PAPSS2: variants seen among roughly 807,000 people sequenced by gnomAD.
The protein encoded by PAPSS2 is bifunctional 3'-phosphoadenosine 5'-phosphosulfate synthase 2.
A neutral mutation model predicts 66.5 loss-of-function variants in PAPSS2; 61 were observed. The observed-to-expected ratio is 0.92, with a 90% CI of 0.75 to 1.14. The LOEUF (loss-of-function observed/expected upper bound fraction) is 1.14, where lower values mean the gene tolerates loss of function less well. PAPSS2 is among the 50% of genes most tolerant of loss of function. The pLI, the probability that PAPSS2 is intolerant of heterozygous loss-of-function variation, is 0.00. For missense variants in PAPSS2, 708 were observed against 789.6 expected (o/e 0.90, Z 1.24); for synonymous variants, 289 against 287.5 (o/e 1.01, Z -0.05).
chr10:87,675,262 T>C (rs887144219), intron 1 of PAPSS2, among the ~76,000 whole-genome samples: 8 of 152,256 alleles, frequency 5.3e-5, no homozygotes, highest in African/African-American at 1.9e-4. Flanking sequence ...AATCATTCTC[T>C]TGGTTTATAC....
At chr10:87,741,468 C>T in intron 10 of PAPSS2, 98 bp downstream of exon 10, 1 of 1,012,492 alleles carries the variant, frequency 9.9e-7, no homozygotes, top group Non-Finnish European at 1.5e-6. Context: ...GATCTCAGCT[C>T]ACTGCAACCT....
chr10:87,687,264 A>C (rs753196590), intron 1 of PAPSS2, among the ~76,000 whole-genome samples: 21 of 152,204 alleles, frequency 1.4e-4, no homozygotes, highest in Non-Finnish European at 2.9e-4. Flanking sequence ...TGAAAAAATT[A>C]ATCAAAATGA....
chr10:87,689,921 G>T (rs1480383338), intron 1 of PAPSS2, among the ~76,000 whole-genome samples: 5 of 152,144 alleles, frequency 3.3e-5, no homozygotes, highest in Admixed American at 2.6e-4. Context: ...TCATCAGATT[G>T]GTAGAAATCC....
At chr10:87,730,427 T>C (rs1853714540) in intron 9 of PAPSS2, among the ~76,000 whole-genome samples, 1 of 152,194 alleles carries the variant, frequency 6.6e-6, no homozygotes, top group South Asian at 2.1e-4. Context: ...GTAGCAAAGA[T>C]GGTCTTGTTA....
intron 1 of PAPSS2, among the ~76,000 whole-genome samples, chr10:87,693,262 C>G (rs912883969): frequency 6.6e-6 from 1 of 152,208 alleles, no homozygotes; most frequent in African/African-American, 2.4e-5. Context: ...CACTGAAGTC[C>G]TGTGATTCTG....
intron 1 of PAPSS2, among the ~76,000 whole-genome samples, chr10:87,679,711 ACTC>A: frequency 6.6e-6 from 1 of 152,054 alleles, no homozygotes; most frequent in Non-Finnish European, 1.5e-5. Flanking sequence ...AATATATAGA[ACTC>A]CTATAAATCA....
chr10:87,744,511 C>T (rs1398790101), intron 11 of PAPSS2, among the ~76,000 whole-genome samples: 1 of 152,140 alleles, frequency 6.6e-6, no homozygotes, highest in Non-Finnish European at 1.5e-5. Flanking sequence ...GCCCCTAGCT[C>T]TCCTTTCCAT....
intron 7 of PAPSS2, among the ~76,000 whole-genome samples, chr10:87,719,588 C>T (rs536566203): frequency 2.6e-5 from 4 of 152,164 alleles, no homozygotes; most frequent in Non-Finnish European, 5.9e-5. Context: ...GAAACTTTGT[C>T]TCTAAAAATA....
intron 7 of PAPSS2, among the ~76,000 whole-genome samples, chr10:87,716,694 T>C (rs1485174294): frequency 6.6e-6 from 1 of 152,134 alleles, no homozygotes; most frequent in African/African-American, 2.4e-5. Context: ...GAATGGGGCA[T>C]GAACTCAGAA....
Position 87,714,825 on chromosome 10 carries a change from G to A in PAPSS2, c.601G>A (p.Asp201Asn). 1.9e-6 allele frequency: 3 copies of A among 1,611,410 alleles called. No homozygotes were observed. The highest frequency in any genetic ancestry group is 2.5e-6 in the Non-Finnish European group (3 of 1,177,580). The change falls in exon 5 of 13, where the codon GAC becomes AAC. Residue 201 changes from aspartate to asparagine, a missense_variant. Transcript: ENST00000456849. ...VLKTNLSTVS[D>N]CVHQVVELLQ... ...TAAAACCAATTTGTCCACAGTGAGT[G>A]ACTGTGTCCACCAGGTAGTGGAACT...
At chr10:87,675,100 G>A (rs568401986) in intron 1 of PAPSS2, among the ~76,000 whole-genome samples, 5 of 152,256 alleles carry the variant, frequency 3.3e-5, no homozygotes, top group East Asian at 1.9e-4. Context: ...TAAGAGGGAC[G>A]GCCTTTATTT....
chr10:87,722,067 T>C (rs1362439899), intron 8 of PAPSS2, among the ~76,000 whole-genome samples: 1 of 152,202 alleles, frequency 6.6e-6, no homozygotes, highest in Non-Finnish European at 1.5e-5. Context: ...TCTTTTACAT[T>C]TATGATCCTC....
intron 1 of PAPSS2, among the ~76,000 whole-genome samples, chr10:87,674,807 C>T (rs760682574): frequency 4.6e-5 from 7 of 151,948 alleles, no homozygotes; most frequent in African/African-American, 1.5e-4. Context: ...ATTTTGTTAC[C>T]GTAATTCTTT....
chr10:87,715,822 C>CAT lies in PAPSS2; in HGVS notation c.845_846insTA (p.Phe283ThrfsTer6). The stretch of plus-strand genomic sequence containing the variant: ...GGAGAAGGAGTACTTACAGGTTATG[C>CAT]ACTTTGACACCCTGCTAGATGGTAT... On this transcript the variant is annotated frameshift_variant, in exon 7 of 13. Coordinates refer to ENST00000456849, the MANE Select transcript of PAPSS2 (RefSeq NM_001015880.2). LOFTEE classifies it high-confidence loss of function. The CAT allele has an allele frequency of 6.3e-7, 1 of 1,596,010 alleles. No homozygotes were observed. Among genetic ancestry groups the CAT allele is most frequent in the African/African-American group, 1.3e-5 (1 of 74,666 alleles).
intron 7 of PAPSS2, among the ~76,000 whole-genome samples, chr10:87,721,267 T>C (rs1161532303): frequency 6.6e-6 from 1 of 152,210 alleles, no homozygotes; most frequent in Non-Finnish European, 1.5e-5. Context: ...TTGGTGCTTG[T>C]TCTGCTGAGC....
intron 1 of PAPSS2, among the ~76,000 whole-genome samples, chr10:87,708,066 A>AT (rs1004265009): frequency 2.0e-5 from 3 of 151,994 alleles, no homozygotes; most frequent in Admixed American, 6.6e-5. Context: ...ATTATTATGG[A>AT]TTTTTTCCCC....
At chr10:87,743,761 C>G in intron 11 of PAPSS2, 120 bp downstream of exon 11, 1 of 1,171,310 alleles carries the variant, frequency 8.5e-7, no homozygotes, top group Non-Finnish European at 1.3e-6. Context: ...CTGGAATGTT[C>G]TGGTGTCTCT....
chr10:87,665,280 C>T (rs1258977065), intron 1 of PAPSS2, among the ~76,000 whole-genome samples: 1 of 151,846 alleles, frequency 6.6e-6, no homozygotes. Context: ...GGCGTGATCT[C>T]AGCTCACTGC....
intron 8 of PAPSS2, among the ~76,000 whole-genome samples, chr10:87,724,377 A>G (rs561534668): frequency 6.6e-6 from 1 of 151,924 alleles, no homozygotes; most frequent in African/African-American, 2.4e-5. Context: ...CACTAATGTA[A>G]TGGTGCCCTG....
Sources: gnomAD v4.1 joint callset for allele counts (sites outside exome capture counted in the v4.1 genomes callset) on GRCh38, gnomAD v4.1.1 for gene constraint, MANE v1.5 for transcripts, NCBI Gene and HGNC (gene_info 2026-07-23, HGNC 2026-07-21) for gene names.